ZNF804A: variants seen among roughly 807,000 people sequenced by gnomAD.
The protein encoded by ZNF804A is zinc finger protein 804A.
A neutral mutation model predicts 16.5 loss-of-function variants in ZNF804A; 2 were observed. The ratio of observed to expected loss-of-function variants is 0.12; its 90% CI spans 0.05 to 0.38. ZNF804A has a LOEUF of 0.38. Among genes scored for constraint, ZNF804A ranks in the 10% least tolerant of loss-of-function variants. The pLI is 0.99. For synonymous variants in ZNF804A, 534 were observed against 489.6 expected (o/e 1.09, Z -1.20); for missense variants, 1,473 against 1,390.7 (o/e 1.06, Z -0.94).
At chr2:184,794,056 T>G (rs895867455) in intron 1 of ZNF804A, among the ~76,000 whole-genome samples, 1 of 152,124 alleles carries the variant, frequency 6.6e-6, no homozygotes, top group African/African-American at 2.4e-5. Context: ...CTTTTTAAAA[T>G]AATTACTTCT....
At chr2:184,641,041 G>C (rs1025002019) in intron 1 of ZNF804A, among the ~76,000 whole-genome samples, 2 of 152,060 alleles carry the variant, frequency 1.3e-5, no homozygotes, top group Non-Finnish European at 2.9e-5. Flanking sequence ...TGCAACCTCC[G>C]CTTCCTGGGT....
intron 1 of ZNF804A, among the ~76,000 whole-genome samples, chr2:184,724,048 CTT>C (rs902800460): frequency 5.3e-5 from 8 of 151,738 alleles, no homozygotes; most frequent in African/African-American, 1.9e-4. Flanking sequence ...TTATATATCT[CTT>C]ATAATATTGT....
chr2:184,623,373 T>A (rs1372520671), intron 1 of ZNF804A, among the ~76,000 whole-genome samples: 1 of 152,126 alleles, frequency 6.6e-6, no homozygotes, highest in Non-Finnish European at 1.5e-5. Context: ...AAATATTCTC[T>A]ATCTTTTCAT....
chr2:184,867,607 G>A (rs369785827), intron 2 of ZNF804A, among the ~76,000 whole-genome samples: 38 of 152,182 alleles, frequency 2.5e-4, no homozygotes, highest in Admixed American at 3.9e-4. Flanking sequence ...ATCTGTCCTT[G>A]CCTTTCTTTC....
At chr2:184,864,898 T>TTTTTTTGG (rs1695851665) in intron 1 of ZNF804A, among the ~76,000 whole-genome samples, 1 of 148,828 alleles carries the variant, frequency 6.7e-6, no homozygotes, top group Non-Finnish European at 1.5e-5. Flanking sequence ...TTTTTTTTTT[T>TTTTTTTGG]GAGGCAGATT....
At chr2:184,754,607 G>A (rs778573874) in intron 1 of ZNF804A, among the ~76,000 whole-genome samples, 4 of 151,612 alleles carry the variant, frequency 2.6e-5, no homozygotes, top group Admixed American at 6.6e-5. Flanking sequence ...TAAATATCTC[G>A]AATTGAAACA....
At chr2:184,896,279 A>G (rs1357046430) in intron 2 of ZNF804A, among the ~76,000 whole-genome samples, 1 of 152,108 alleles carries the variant, frequency 6.6e-6, no homozygotes, top group African/African-American at 2.4e-5. Context: ...CATGTCCCAA[A>G]TTTATATATG....
chr2:184,722,284 A>G (rs769820109), intron 1 of ZNF804A, among the ~76,000 whole-genome samples: 1 of 152,072 alleles, frequency 6.6e-6, no homozygotes, highest in Non-Finnish European at 1.5e-5. Flanking sequence ...AATGTAAGTA[A>G]ATCATCCGAT....
chr2:184,651,676 C>G (rs990149792), intron 1 of ZNF804A, among the ~76,000 whole-genome samples: 3 of 151,894 alleles, frequency 2.0e-5, no homozygotes, highest in South Asian at 2.1e-4. Context: ...AAGTGGCCAA[C>G]AAACATGAAA....
At chr2:184,661,423 C>G (rs1692174498) in intron 1 of ZNF804A, among the ~76,000 whole-genome samples, 2 of 152,134 alleles carry the variant, frequency 1.3e-5, no homozygotes, top group Non-Finnish European at 2.9e-5. Context: ...AAGGAATAAG[C>G]TATGCAGATA....
In ZNF804A at chr2:184,604,146, C is replaced by CTTTTTTTTTTTTTTTTTT. The variant is rs759053144; in HGVS notation, c.111+5100_111+5117dup. ...TTCAGGTTATGGATGACTGCAATTA[C>CTTTTTTTTTTTTTTTTTT]TTTTTTTTTTTTTTTTTTTTTTTTT... On this transcript the variant is annotated intron_variant, in intron 1 of 3. Transcript: ENST00000302277. 3.3e-4 allele frequency among the ~76,000 whole-genome samples: 15 copies of CTTTTTTTTTTTTTTTTTT among 44,862 alleles called. 6 individuals are homozygous for CTTTTTTTTTTTTTTTTTT. Among genetic ancestry groups the CTTTTTTTTTTTTTTTTTT allele is most frequent in the East Asian group, 8.4e-4 (1 of 1,188 alleles). 29.4% of individuals were successfully genotyped at this position (44,862 alleles called of 152,430 possible).
intron 2 of ZNF804A, among the ~76,000 whole-genome samples, chr2:184,882,001 T>G (rs545475424): frequency 6.6e-6 from 1 of 152,142 alleles, no homozygotes; most frequent in African/African-American, 2.4e-5. Context: ...AATTGTAAGT[T>G]GGATAAAAAG....
At chr2:184,736,452 G>A (rs909928720) in intron 1 of ZNF804A, among the ~76,000 whole-genome samples, 1 of 152,132 alleles carries the variant, frequency 6.6e-6, no homozygotes, top group Admixed American at 6.6e-5. Context: ...CCTTTGCAGA[G>A]ACGTGGATGA....
chr2:184,815,870 A>G (rs561758554), intron 1 of ZNF804A, among the ~76,000 whole-genome samples: 13 of 152,100 alleles, frequency 8.5e-5, no homozygotes, highest in South Asian at 2.1e-4. Context: ...AAAGGCCACA[A>G]TTTGATTTGG....
intron 2 of ZNF804A, among the ~76,000 whole-genome samples, chr2:184,874,585 A>C: frequency 6.6e-6 from 1 of 152,182 alleles, no homozygotes; most frequent in East Asian, 1.9e-4. Context: ...TCCTAAAAAA[A>C]ATTAAAATAT....
chr2:184,880,608 T>G (rs1209014092), intron 2 of ZNF804A, among the ~76,000 whole-genome samples: 1 of 152,092 alleles, frequency 6.6e-6, no homozygotes, highest in Non-Finnish European at 1.5e-5. Flanking sequence ...AACTTTTTTT[T>G]GAGATCTCAT....
At chr2:184,894,669 C>T (rs1196836947) in intron 2 of ZNF804A, among the ~76,000 whole-genome samples, 1 of 151,872 alleles carries the variant, frequency 6.6e-6, no homozygotes, top group African/African-American at 2.4e-5. Context: ...TGTGTATTTA[C>T]TTAAGATATA....
chr2:184,764,821 G>A (rs1361975880), intron 1 of ZNF804A, among the ~76,000 whole-genome samples: 1 of 151,954 alleles, frequency 6.6e-6, no homozygotes, highest in Non-Finnish European at 1.5e-5. Context: ...AAAATGATGT[G>A]CAAGTAATTT....
At chr2:184,812,609 A>G (rs1338733085) in intron 1 of ZNF804A, among the ~76,000 whole-genome samples, 6 of 152,088 alleles carry the variant, frequency 3.9e-5, no homozygotes, top group African/African-American at 1.4e-4. Context: ...AAAAAAGGGG[A>G]CAAAATTCCT....
Sources: allele counts gnomAD v4.1 joint callset (sites outside exome capture counted in the v4.1 genomes callset), GRCh38; gene constraint gnomAD v4.1.1; transcripts MANE v1.5; gene names NCBI Gene and HGNC (gene_info 2026-07-23, HGNC 2026-07-21).